The following PPM1L variants were observed in gnomAD, a reference collection of about 807,000 sequenced individuals.
The protein encoded by PPM1L is protein phosphatase 1L.
Under a neutral mutation model 31.4 loss-of-function variants are expected in PPM1L, and 13 were observed. That is an observed-to-expected ratio of 0.41 (90% CI 0.27 to 0.66). The LOEUF (loss-of-function observed/expected upper bound fraction) is 0.66, where lower values mean the gene tolerates loss of function less well. Among genes scored for constraint, PPM1L ranks in the 30% least tolerant of loss-of-function variants. The pLI is 0.29. For synonymous variants in PPM1L, 184 were observed against 175.4 expected, an observed-to-expected ratio of 1.05 and a Z score of -0.39; for missense variants, 326 against 453.7, an observed-to-expected ratio of 0.72 and a Z score of 2.56.
chr3:161,066,725 G>A (rs952434791), intron 3 of PPM1L, among the ~76,000 whole-genome samples: 3 of 152,188 alleles, frequency 2.0e-5, no homozygotes, highest in Non-Finnish European at 2.9e-5. Context: ...ATGTACCCTA[G>A]TATCTGACCA....
rs568937219 is a variant in PPM1L at position 161,020,271 on chromosome 3, T to C, written c.575-45132T>C. On this transcript the variant is annotated intron_variant, in intron 2 of 3. Coordinates refer to ENST00000498165, the MANE Select transcript of PPM1L (RefSeq NM_139245.4). ...CTCGTGTAGGCAAATTGGTTATTTA[T>C]TTCTACACCAGGACATCTAAAATAA... is the stretch of plus-strand genomic sequence containing the variant. Among the ~76,000 whole-genome samples, 3 of 152,178 alleles carry C rather than the reference T, an allele frequency of 2.0e-5. No homozygotes were observed. In the East Asian group the frequency reaches 5.8e-4, roughly 29 times the overall value.
chr3:160,923,577 A>G (rs1422401819), intron 1 of PPM1L, among the ~76,000 whole-genome samples: 5 of 152,148 alleles, frequency 3.3e-5, no homozygotes, highest in Non-Finnish European at 1.5e-5. Flanking sequence ...TTCTCTCACT[A>G]TTGCTCTCAA....
intron 1 of PPM1L, among the ~76,000 whole-genome samples, chr3:160,950,362 C>T (rs954904851): frequency 1.3e-5 from 2 of 152,088 alleles, no homozygotes; most frequent in Non-Finnish European, 2.9e-5. Flanking sequence ...AAAGGGAAAA[C>T]GATTTGGGGA....
chr3:161,019,342 C>T (rs149853086), intron 2 of PPM1L, among the ~76,000 whole-genome samples: 18 of 149,142 alleles, frequency 1.2e-4, no homozygotes, highest in East Asian at 7.8e-4. Flanking sequence ...TATAGGCATG[C>T]GCCACCATGC....
intron 1 of PPM1L, among the ~76,000 whole-genome samples, chr3:160,822,804 G>T (rs777639329): frequency 1.3e-5 from 2 of 152,048 alleles, no homozygotes; most frequent in Non-Finnish European, 1.5e-5. Context: ...ACAAATAGTG[G>T]AGTATCTATT....
chr3:161,065,250 G>C (rs142922852), intron 2 of PPM1L, among the ~76,000 whole-genome samples, 153 bp from the exon 3 acceptor site: 2 of 152,230 alleles, frequency 1.3e-5, no homozygotes, highest in South Asian at 4.1e-4. Context: ...CATTGTTGTC[G>C]AAGTGAACAG....
chr3:160,945,129 C>CATGT (rs1715365560), intron 1 of PPM1L, among the ~76,000 whole-genome samples: 4 of 69,148 alleles, frequency 5.8e-5, no homozygotes, highest in African/African-American at 1.8e-4. Flanking sequence ...ATCTATCTAT[C>CATGT]TATCTATCTA....
At chr3:160,765,095 C>T (rs77105757) in intron 1 of PPM1L, among the ~76,000 whole-genome samples, 2,503 of 152,248 alleles carry the variant, frequency 0.016, 61 homozygotes, top group African/African-American at 0.057. Context: ...AAGTACTTTA[C>T]ATATGTTATC....
chr3:160,783,022 C>G (rs1289706507), intron 1 of PPM1L, among the ~76,000 whole-genome samples: 1 of 152,162 alleles, frequency 6.6e-6, no homozygotes, highest in African/African-American at 2.4e-5. Context: ...ACTTTGCCCT[C>G]TTCATGGGCC....
intron 1 of PPM1L, among the ~76,000 whole-genome samples, chr3:160,844,122 A>G (rs1713996661): frequency 6.6e-6 from 1 of 152,134 alleles, no homozygotes; most frequent in South Asian, 2.1e-4. Flanking sequence ...GCCACTCACC[A>G]CTTAGGTGAT....
At chr3:161,046,110 CAAAA>C (rs58794623) in intron 2 of PPM1L, among the ~76,000 whole-genome samples, 4 of 50,302 alleles carry the variant, frequency 8.0e-5, no homozygotes, top group African/African-American at 3.0e-4. Flanking sequence ...GACTCTGTCT[CAAAA>C]AAAAAAAAAA....
chr3:160,941,469 T>TG (rs1283597501), intron 1 of PPM1L, among the ~76,000 whole-genome samples: 9 of 152,176 alleles, frequency 5.9e-5, no homozygotes, highest in Admixed American at 5.9e-4. Flanking sequence ...AATTGAATCA[T>TG]GGGGGCCAGT....
At chr3:161,002,573 T>A (rs1019180002) in intron 2 of PPM1L, among the ~76,000 whole-genome samples, 3 of 150,318 alleles carry the variant, frequency 2.0e-5, no homozygotes, top group Non-Finnish European at 2.9e-5. Context: ...TTGATTTGCA[T>A]TTCTCTGATA....
At chr3:160,916,516 T>G (rs1432226700) in intron 1 of PPM1L, among the ~76,000 whole-genome samples, 1 of 152,144 alleles carries the variant, frequency 6.6e-6, no homozygotes, top group Non-Finnish European at 1.5e-5. Context: ...TTGAGGATAA[T>G]AGAAAAATAT....
intron 1 of PPM1L, among the ~76,000 whole-genome samples, chr3:160,914,319 A>G (rs577743091): frequency 3.0e-3 from 459 of 152,164 alleles, no homozygotes; most frequent in African/African-American, 0.011. Context: ...TTTAAGTTTT[A>G]GGGTACATGT....
At chr3:160,968,447 ATT>A (rs749296202) in intron 2 of PPM1L, among the ~76,000 whole-genome samples, 1 of 152,166 alleles carries the variant, frequency 6.6e-6, no homozygotes, top group Non-Finnish European at 1.5e-5. Flanking sequence ...CAACCTAAAT[ATT>A]TATTATGTGT....
At chr3:160,832,934 GA>G (rs1713566411) in intron 1 of PPM1L, among the ~76,000 whole-genome samples, 1 of 151,894 alleles carries the variant, frequency 6.6e-6, no homozygotes, top group Non-Finnish European at 1.5e-5. Context: ...CCCACCCCAT[GA>G]CAGGCCCCAG....
At chr3:160,788,986 C>T (rs1303369369) in intron 1 of PPM1L, among the ~76,000 whole-genome samples, 1 of 151,770 alleles carries the variant, frequency 6.6e-6, no homozygotes, top group Admixed American at 6.6e-5. Flanking sequence ...TTGTAAGTGA[C>T]ATTTAGAATC....
At position 160,756,512 on chromosome 3, in the gene PPM1L, G is replaced by A. The variant is rs1163416957; in HGVS notation, c.204G>A (p.Gln68=). Residue 68 remains glutamine (Q), a synonymous_variant, in exon 1 of 4, where the codon CAG becomes CAA. Coordinates refer to ENST00000498165, the MANE Select transcript of PPM1L (RefSeq NM_139245.4). The surrounding 1 kb of genome is among the most constrained non-coding windows in gnomAD (Gnocchi z 6.2). ...MVKGKVAEIM[Q]NDRLGGLDVL... ...AGGGCAAGGTAGCCGAGATCATGCAGAACGATCGACTCGGGGGGCTTGATG... is the reference window on the plus strand; with the variant it reads ...AGGGCAAGGTAGCCGAGATCATGCAAAACGATCGACTCGGGGGGCTTGATG... The A allele has an allele frequency of 3.1e-6, 5 of 1,614,048 alleles. No individual in the cohort carries two copies. The East Asian group carries it at 8.9e-5, about 29-fold the overall frequency.
Sources: gnomAD v4.1 joint callset for allele counts (sites outside exome capture counted in the v4.1 genomes callset) on GRCh38, gnomAD v4.1.1 for gene constraint, Gnocchi (gnomAD v3.1) non-coding constraint, MANE v1.5 for transcripts, NCBI Gene and HGNC (gene_info 2026-07-23, HGNC 2026-07-21) for gene names.